The following PLS1 variants were observed in gnomAD, a reference collection of about 807,000 sequenced individuals.
PLS1 encodes the protein plastin 1, also known as plastin-1.
In PLS1, 32 loss-of-function variants were observed where a neutral mutation model predicts 73.7. The observed-to-expected ratio is 0.43, with a 90% confidence interval of 0.33 to 0.58. The LOEUF is 0.58. Among genes scored for constraint, PLS1 ranks in the 20% least tolerant of loss-of-function variants. The pLI is 0.04. For missense variants in PLS1, 633 were observed against 740.5 expected, an observed-to-expected ratio of 0.85 and a Z score of 1.68; for synonymous variants, 217 against 261.3, an observed-to-expected ratio of 0.83 and a Z score of 1.63.
chr3:142,692,574 T>C (rs961997007), intron 10 of PLS1, among the ~76,000 whole-genome samples: 3 of 152,260 alleles, frequency 2.0e-5, no homozygotes, highest in Admixed American at 6.5e-5. Flanking sequence ...TCTATTTTAC[T>C]TTCCAGGTAT....
chr3:142,694,348 T>C (rs1320563526), intron 10 of PLS1, 121 bp from the exon 11 acceptor site: 2 of 530,024 alleles, frequency 3.8e-6, no homozygotes, highest in African/African-American at 2.0e-5. Context: ...AAAGAAACTG[T>C]AGTATCTAAA....
intron 1 of PLS1, among the ~76,000 whole-genome samples, chr3:142,636,476 C>T (rs1336045889): frequency 6.6e-6 from 1 of 152,000 alleles, no homozygotes; most frequent in African/African-American, 2.4e-5. Context: ...CCAGAAAATA[C>T]AAAACTTCTG....
chr3:142,659,672 C>CT lies in PLS1; in HGVS notation c.-36-4517dup, dbSNP rs533796970. Among the ~76,000 whole-genome samples, 566 of 138,736 alleles carry CT rather than the reference C, an allele frequency of 4.1e-3. 1 individual carries two copies. Among genetic ancestry groups the CT allele is most frequent in the East Asian group, 8.6e-3 (41 of 4,788 alleles). The allele number at this position is 138,736 out of a possible 152,430, so 91.0% of individuals were successfully genotyped here. On this transcript the variant is annotated intron_variant, in intron 1 of 15. Coordinates refer to ENST00000457734, the MANE Select transcript of PLS1 (RefSeq NM_001145319.2). ...AGTTCCTCTTCCACTTTTCTTTTTT[C>CT]TTTTTTTTTTTTTGTTGTTGTTTTG...
intron 6 of PLS1, among the ~76,000 whole-genome samples, chr3:142,683,375 G>A (rs1461881588): frequency 6.6e-6 from 1 of 152,180 alleles, no homozygotes; most frequent in South Asian, 2.1e-4. Flanking sequence ...GTGGTGGCGG[G>A]TGCCTGTAGT....
At chr3:142,669,679 T>C (rs2037563814) in intron 3 of PLS1, 126 bp downstream of exon 3, 1 of 566,696 alleles carries the variant, frequency 1.8e-6, no homozygotes, top group African/African-American at 1.9e-5. Context: ...AAAATGATGA[T>C]GATGATGATG....
At position 142,684,169 on chromosome 3, in the gene PLS1, A is replaced by T; in HGVS notation, c.743A>T (p.Glu248Val). ...LFADIEISRNEALIALLNEGE... is the reference protein window; with the variant it reads ...LFADIEISRNVALIALLNEGE... Reference sequence around the variant, plus strand: ...GCTGATATTGAGATTTCCAGGAATGAAGGTAAGATCATTAGAAATATTTGC... The same window carrying T: ...GCTGATATTGAGATTTCCAGGAATGTAGGTAAGATCATTAGAAATATTTGC... The change falls in exon 7 of 16, where the codon GAA becomes GTA. Residue 248 changes from glutamate to valine, a missense_variant and splice_region_variant. Physicochemically the swap from Glu to Val is moderately radical, Grantham distance 121. Transcript: ENST00000457734. The T allele has an allele frequency of 6.2e-7, 1 of 1,614,018 alleles. No homozygotes were observed. The highest frequency in any genetic ancestry group is 8.5e-7 in the Non-Finnish European group (1 of 1,179,910).
intron 14 of PLS1, 115 bp from the exon 15 acceptor site, chr3:142,711,386 G>T (rs899505759): frequency 1.0e-5 from 7 of 670,840 alleles, no homozygotes; most frequent in Non-Finnish European, 1.7e-5. Context: ...CTGAACGTTA[G>T]GTTAAGTACA....
At chr3:142,711,459 G>A in intron 14 of PLS1, 42 bp from the exon 15 acceptor site, 1 of 1,417,350 alleles carries the variant, frequency 7.1e-7, no homozygotes, top group Non-Finnish European at 9.8e-7. Flanking sequence ...GAAAATTAAA[G>A]GTCAGATGTT....
chr3:142,628,031 A>G (rs1348605416), intron 1 of PLS1: 2 of 152,202 alleles, frequency 1.3e-5, no homozygotes, highest in South Asian at 2.1e-4. Context: ...GTAAACCTCT[A>G]TACTGAGTCA....
At chr3:142,688,080 T>G (rs2038010174) in intron 9 of PLS1, among the ~76,000 whole-genome samples, 1 of 152,034 alleles carries the variant, frequency 6.6e-6, no homozygotes, top group Non-Finnish European at 1.5e-5. Flanking sequence ...CCTGAGTAGC[T>G]GGGATTACAG....
chr3:142,645,589 T>G (rs904090275), intron 1 of PLS1: 1 of 152,178 alleles, frequency 6.6e-6, no homozygotes, highest in African/African-American at 2.4e-5. Context: ...AGGTAATACC[T>G]GGGTTATTCC....
intron 1 of PLS1, among the ~76,000 whole-genome samples, chr3:142,598,868 G>A (rs1404466272): frequency 1.3e-5 from 2 of 151,982 alleles, no homozygotes; most frequent in African/African-American, 2.4e-5. Context: ...GGGCATGGTG[G>A]TGGGCGCCTG....
chr3:142,695,071 G>C (rs1173292435), intron 11 of PLS1, among the ~76,000 whole-genome samples: 1 of 151,926 alleles, frequency 6.6e-6, no homozygotes, highest in Non-Finnish European at 1.5e-5. Flanking sequence ...ATCAACTCCT[G>C]GGCTAACGAT....
intron 12 of PLS1, among the ~76,000 whole-genome samples, chr3:142,700,142 A>G (rs548321796): frequency 1.3e-5 from 2 of 152,282 alleles, no homozygotes; most frequent in African/African-American, 4.8e-5. Flanking sequence ...ATAAAGCCTG[A>G]AATAAATTCA....
At chr3:142,645,939 C>T (rs1315045640) in intron 1 of PLS1, among the ~76,000 whole-genome samples, 1 of 152,074 alleles carries the variant, frequency 6.6e-6, no homozygotes, top group Admixed American at 6.6e-5. Flanking sequence ...CAGCTTCTAA[C>T]AGGAGAAGGT....
chr3:142,692,197 C>T (rs1448344709), intron 10 of PLS1, among the ~76,000 whole-genome samples: 1 of 152,092 alleles, frequency 6.6e-6, no homozygotes, highest in African/African-American at 2.4e-5. Context: ...GTTAACTCCT[C>T]TTTTCCCTCT....
chr3:142,682,569 T>G (rs1383492687), intron 6 of PLS1, among the ~76,000 whole-genome samples: 1 of 152,202 alleles, frequency 6.6e-6, no homozygotes, highest in Non-Finnish European at 1.5e-5. Flanking sequence ...GCATATGACA[T>G]GGGTTATTGT....
At chr3:142,697,605 C>A (rs1416775010) in intron 11 of PLS1, among the ~76,000 whole-genome samples, 4 of 152,088 alleles carry the variant, frequency 2.6e-5, no homozygotes, top group Non-Finnish European at 5.9e-5. Context: ...TCTTGCAAAG[C>A]TTTTCATATC....
chr3:142,618,459 G>A (rs1198377919), intron 1 of PLS1, among the ~76,000 whole-genome samples: 1 of 152,210 alleles, frequency 6.6e-6, no homozygotes, highest in Non-Finnish European at 1.5e-5. Context: ...TAGGTCAGAA[G>A]TTTGATACAG....
Sources: gnomAD v4.1 joint callset for allele counts (sites outside exome capture counted in the v4.1 genomes callset) on GRCh38, gnomAD v4.1.1 for gene constraint, MANE v1.5 for transcripts, NCBI Gene and HGNC (gene_info 2026-07-23, HGNC 2026-07-21) for gene names.